The following UNC13C variants were observed in gnomAD, a reference collection of about 807,000 sequenced individuals.
The protein encoded by UNC13C is unc-13 homolog C.
UNC13C carries 174 observed loss-of-function variants against 245.4 expected under a neutral mutation model. The ratio of observed to expected loss-of-function variants is 0.71; its 90% CI spans 0.63 to 0.80. UNC13C has a LOEUF of 0.80. Ranked by LOEUF, UNC13C falls within the 30% of genes least tolerant of loss-of-function variation. UNC13C has a pLI of 0.00. For synonymous variants in UNC13C, 992 were observed against 895.1 expected, an observed-to-expected ratio of 1.11 and a Z score of -1.93; for missense variants, 2,829 against 2,602.9, an observed-to-expected ratio of 1.09 and a Z score of -1.89.
At chr15:54,552,576 T>TAATATAATTA in intron 28 of UNC13C, among the ~76,000 whole-genome samples, 1 of 20,552 alleles carries the variant, frequency 4.9e-5, no homozygotes, top group African/African-American at 1.8e-4. Flanking sequence ...TTATATATAA[T>TAATATAATTA]TATATTATAT....
chr15:53,928,154 CAG>C, the UNC13C span, among the ~76,000 whole-genome samples: 1 of 152,120 alleles, frequency 6.6e-6, no homozygotes, highest in Non-Finnish European at 1.5e-5. Flanking sequence ...AGTGGGAAAT[CAG>C]GGGTCTCACA....
chr15:54,072,581 G>A (rs964162057), intron 2 of UNC13C, among the ~76,000 whole-genome samples: 4 of 152,036 alleles, frequency 2.6e-5, no homozygotes, highest in Admixed American at 6.6e-5. Flanking sequence ...TTTATCCCCC[G>A]TTTCTTTCAA....
chr15:54,011,227 T>G (rs1895368788), intron 1 of UNC13C, among the ~76,000 whole-genome samples: 2 of 152,170 alleles, frequency 1.3e-5, no homozygotes, highest in Admixed American at 1.3e-4. Flanking sequence ...CACCTGTTCC[T>G]GAGTTTGCAT....
rs200797296 is a variant in UNC13C at position 54,555,532 on chromosome 15, A to G, written c.5958+20A>G. On this transcript the variant is annotated intron_variant, in intron 29 of 32. Transcript: ENST00000260323. ...ATCAAGGTGAGATTATAATGCTCCT[A>G]TATATACATCGAGAGAGGCCCCCAT... is the stretch of plus-strand genomic sequence containing the variant. 533 of 1,590,288 alleles carry G rather than the reference A, an allele frequency of 3.4e-4. 1 individual carries two copies. The African/African-American group carries it at 4.9e-3, about 15-fold the overall frequency.
At chr15:54,350,109 A>C (rs2038948517) in intron 17 of UNC13C, among the ~76,000 whole-genome samples, 1 of 151,954 alleles carries the variant, frequency 6.6e-6, no homozygotes, top group African/African-American at 2.4e-5. Flanking sequence ...CTCCTGTCTC[A>C]GCCTCCCAAG....
the UNC13C span, among the ~76,000 whole-genome samples, chr15:53,868,933 A>G: frequency 6.6e-6 from 1 of 152,140 alleles, no homozygotes; most frequent in African/African-American, 2.4e-5. Context: ...CCTGAGCAAA[A>G]TGGCAAAACA....
At chr15:54,230,069 T>C (rs182573649) in intron 4 of UNC13C, among the ~76,000 whole-genome samples, 6 of 67,320 alleles carry the variant, frequency 8.9e-5, no homozygotes, top group African/African-American at 2.8e-4. Flanking sequence ...GTGAATAATG[T>C]GGCAATAAAT....
At chr15:54,176,379 G>A (rs766559040) in intron 4 of UNC13C, among the ~76,000 whole-genome samples, 1 of 152,040 alleles carries the variant, frequency 6.6e-6, no homozygotes, top group African/African-American at 2.4e-5. Context: ...TTTAACTTAG[G>A]TTGTCTGTTC....
At chr15:54,460,597 GC>G (rs1417738214) in intron 19 of UNC13C, among the ~76,000 whole-genome samples, 3 of 152,202 alleles carry the variant, frequency 2.0e-5, no homozygotes, top group Non-Finnish European at 2.9e-5. Flanking sequence ...CCCTAAGTTG[GC>G]CAGGATAAGT....
intron 19 of UNC13C, among the ~76,000 whole-genome samples, chr15:54,484,587 A>C (rs1893307888): frequency 6.6e-6 from 1 of 152,220 alleles, no homozygotes; most frequent in Non-Finnish European, 1.5e-5. Flanking sequence ...GGATGTTTTT[A>C]CTTCCTGTCA....
intron 2 of UNC13C, among the ~76,000 whole-genome samples, chr15:54,051,651 TA>T (rs1425818437): frequency 6.6e-5 from 10 of 151,732 alleles, no homozygotes; most frequent in African/African-American, 1.5e-4. Context: ...TTTATTTATT[TA>T]TTTATTTATT....
chr15:54,416,744 A>T (rs2040530606), intron 19 of UNC13C: 3 of 333,074 alleles, frequency 9.0e-6, no homozygotes, highest in Non-Finnish European at 1.8e-5. Context: ...GAAGATTTTT[A>T]GGGTCTGTAT....
At chr15:54,170,180 T>A (rs1210650750) in intron 4 of UNC13C, among the ~76,000 whole-genome samples, 1 of 152,124 alleles carries the variant, frequency 6.6e-6, no homozygotes, top group Non-Finnish European at 1.5e-5. Flanking sequence ...TTGTCTCTAT[T>A]GTGATACTTA....
intron 17 of UNC13C, among the ~76,000 whole-genome samples, chr15:54,363,095 A>G (rs1362884538): frequency 6.6e-6 from 1 of 152,180 alleles, no homozygotes; most frequent in Non-Finnish European, 1.5e-5. Flanking sequence ...TGCTGAGCTA[A>G]TCACAAGGTT....
Position 54,073,404 on chromosome 15 carries a change from G to A in UNC13C, c.2983+57518G>A, listed in dbSNP as rs567112370. On this transcript the variant is annotated intron_variant, in intron 2 of 32. Transcript: ENST00000260323. ...TCCTTTGGTTATATACCCAGTAATGGGATTGCTGGGTCCAATGGTATTTCT... is the reference window on the plus strand; with the variant it reads ...TCCTTTGGTTATATACCCAGTAATGAGATTGCTGGGTCCAATGGTATTTCT... Among the ~76,000 whole-genome samples the A allele has an allele frequency of 1.4e-3, 219 of 152,228 alleles. 1 individual carries two copies. The highest frequency in any genetic ancestry group is 5.1e-3 in the African/African-American group (213 of 41,546).
At chr15:54,410,437 T>C (rs955752063) in intron 18 of UNC13C, among the ~76,000 whole-genome samples, 3 of 152,140 alleles carry the variant, frequency 2.0e-5, no homozygotes, top group Non-Finnish European at 4.4e-5. Context: ...TCATAAAATC[T>C]TTGCCAAGGC....
intron 2 of UNC13C, among the ~76,000 whole-genome samples, chr15:54,117,414 A>G (rs1433942105): frequency 4.6e-5 from 7 of 152,100 alleles, no homozygotes. Context: ...TTCAGGCCTT[A>G]GATTAAAGCC....
chr15:54,091,709 A>G (rs906867715), intron 2 of UNC13C, among the ~76,000 whole-genome samples: 2 of 151,462 alleles, frequency 1.3e-5, no homozygotes, highest in Non-Finnish European at 1.5e-5. Context: ...TATTTATTTT[A>G]TAACTAGTGT....
At chr15:54,277,047 A>G (rs2036851317) in intron 10 of UNC13C, among the ~76,000 whole-genome samples, 1 of 152,018 alleles carries the variant, frequency 6.6e-6, no homozygotes, top group South Asian at 2.1e-4. Context: ...CTTCACTCTT[A>G]TTTCTCCTTT....
Sources: gnomAD v4.1 joint callset for allele counts (sites outside exome capture counted in the v4.1 genomes callset) on GRCh38, gnomAD v4.1.1 for gene constraint, MANE v1.5 for transcripts, NCBI Gene and HGNC (gene_info 2026-07-23, HGNC 2026-07-21) for gene names.